Variants in SHISA9 observed in about 807,000 individuals in gnomAD.
The protein encoded by SHISA9 is protein shisa-9.
A neutral mutation model predicts 38.0 loss-of-function variants in SHISA9; 13 were observed. That is an observed-to-expected ratio of 0.34 (90% CI 0.22 to 0.54). The LOEUF (loss-of-function observed/expected upper bound fraction) is 0.54, where lower values mean the gene tolerates loss of function less well. SHISA9 is among the 20% of genes least tolerant of loss of function. The probability of loss-of-function intolerance (pLI) is 0.91; values close to 1 mark genes in which losing one functional copy is unlikely to be tolerated. For missense variants in SHISA9, 538 were observed against 575.8 expected, an observed-to-expected ratio of 0.93 and a Z score of 0.67; for synonymous variants, 275 against 242.0, an observed-to-expected ratio of 1.14 and a Z score of -1.27.
At chr16:13,234,305 A>T (rs1273949642) in intron 4 of SHISA9, among the ~76,000 whole-genome samples, 2 of 152,216 alleles carry the variant, frequency 1.3e-5, no homozygotes, top group Admixed American at 6.5e-5. Context: ...TATAATGACG[A>T]TGATAATGGT....
At chr16:13,454,330 G>T in the SHISA9 span, among the ~76,000 whole-genome samples, 297 of 152,300 alleles carry the variant, frequency 2.0e-3, 1 homozygote, top group African/African-American at 6.7e-3. Flanking sequence ...GCTAAAAGAT[G>T]CAGGCAGAGT....
the SHISA9 span, among the ~76,000 whole-genome samples, chr16:13,328,685 C>T: frequency 6.6e-6 from 1 of 151,892 alleles, no homozygotes; most frequent in Non-Finnish European, 1.5e-5. Flanking sequence ...GTTGGCCAGG[C>T]TGGTCTTGTA....
In SHISA9 at chr16:13,226,784, T is replaced by G. The variant is rs552541835; in HGVS notation, c.896-8246T>G. 1.4e-4 allele frequency among the ~76,000 whole-genome samples: 21 copies of G among 152,312 alleles called. 2 individuals carry two copies. The highest frequency in any genetic ancestry group is 1.0e-3 in the Admixed American group (16 of 15,298). ...ACTGCAGTTAGCAGTTGGTTAGTTGTGTTGAACAGGGGTAACTGGTCTATG... is the reference window on the plus strand; with the variant it reads ...ACTGCAGTTAGCAGTTGGTTAGTTGGGTTGAACAGGGGTAACTGGTCTATG... On this transcript the variant is annotated intron_variant, in intron 4 of 4. Coordinates refer to ENST00000558583, the MANE Select transcript of SHISA9 (RefSeq NM_001145204.3).
chr16:13,312,186 C>A, the SHISA9 span, among the ~76,000 whole-genome samples: 7 of 152,076 alleles, frequency 4.6e-5, no homozygotes, highest in Non-Finnish European at 1.0e-4. Flanking sequence ...TGCACAATGC[C>A]CCAAGTGTGC....
the SHISA9 span, among the ~76,000 whole-genome samples, chr16:13,352,341 T>C: frequency 2.6e-5 from 4 of 152,198 alleles, no homozygotes; most frequent in African/African-American, 9.7e-5. Context: ...TGACATTAAA[T>C]GAAAAGGCAG....
At chr16:13,424,255 G>T in the SHISA9 span, among the ~76,000 whole-genome samples, 1 of 152,192 alleles carries the variant, frequency 6.6e-6, no homozygotes, top group Non-Finnish European at 1.5e-5. Context: ...ACAGTGCTCC[G>T]CATTGAGCTG....
At chr16:13,015,673 C>G (rs967775108) in intron 2 of SHISA9, among the ~76,000 whole-genome samples, 1 of 152,080 alleles carries the variant, frequency 6.6e-6, no homozygotes, top group Non-Finnish European at 1.5e-5. Flanking sequence ...TAGTTGGTAG[C>G]TGAAGGGGAC....
intron 2 of SHISA9, among the ~76,000 whole-genome samples, chr16:13,092,585 G>A (rs1251366997): frequency 2.6e-5 from 4 of 152,242 alleles, no homozygotes; most frequent in East Asian, 1.9e-4. Flanking sequence ...AGACGGCTGC[G>A]CTAGCATTGA....
At chr16:13,346,120 C>T in the SHISA9 span, among the ~76,000 whole-genome samples, 2 of 152,270 alleles carry the variant, frequency 1.3e-5, no homozygotes, top group South Asian at 4.2e-4. Flanking sequence ...CTTCCACTCT[C>T]CTACATTTTC....
the SHISA9 span, among the ~76,000 whole-genome samples, chr16:13,457,773 A>G: frequency 6.6e-6 from 1 of 152,052 alleles, no homozygotes; most frequent in African/African-American, 2.4e-5. Context: ...GAGTGTCCTC[A>G]AACAGGAACT....
In SHISA9 at chr16:12,902,455, A is replaced by G; in HGVS notation, c.391A>G (p.Thr131Ala). Residue 131 changes from threonine (T) to alanine (A), a missense_variant, in exon 1 of 5, where the codon ACC becomes GCC. Transcript: ENST00000558583. ...CTACGACACGCCGCTCTGGCTCAACACCGGCAAGCCCCCCGCCCGCAAGGA... is the reference window on the plus strand; with the variant it reads ...CTACGACACGCCGCTCTGGCTCAACGCCGGCAAGCCCCCCGCCCGCAAGGA... ...TNYDTPLWLN[T>A]GKPPARKDDP... 5.2e-6 allele frequency: 8 copies of G among 1,551,238 alleles called. No individual in the cohort carries two copies. Among genetic ancestry groups the G allele is most frequent in the Non-Finnish European group, 7.0e-6 (8 of 1,146,914 alleles).
At chr16:13,267,518 T>G in the SHISA9 span, among the ~76,000 whole-genome samples, 2 of 152,202 alleles carry the variant, frequency 1.3e-5, no homozygotes, top group Non-Finnish European at 2.9e-5. Context: ...GATCCGTGCT[T>G]CTTAATTCAA....
At position 13,032,621 on chromosome 16, in the gene SHISA9, GAAGTA is replaced by G. The variant is rs535259055; in HGVS notation, c.691+115811_691+115815del. On this transcript the variant is annotated intron_variant, in intron 2 of 4. Transcript: ENST00000558583. Reference sequence around the variant, plus strand: ...ATAGCAGCAGAACTGACTGTGTAATGAAGTAAAGTGCCTTGTACAGTGCCTAGTAC... The same window carrying G: ...ATAGCAGCAGAACTGACTGTGTAATGAAGTGCCTTGTACAGTGCCTAGTAC... Among the ~76,000 whole-genome samples the G allele has an allele frequency of 1.4e-4, 21 of 152,326 alleles. No individual in the cohort carries two copies. The East Asian group carries it at 4.1e-3, about 29-fold the overall frequency.
chr16:12,973,351 C>G (rs934654469), intron 2 of SHISA9, among the ~76,000 whole-genome samples: 5 of 152,172 alleles, frequency 3.3e-5, no homozygotes, highest in African/African-American at 1.2e-4. Flanking sequence ...AATAGAAAGT[C>G]AAGAAACATG....
intron 2 of SHISA9, among the ~76,000 whole-genome samples, chr16:12,964,905 A>G (rs184500813): frequency 7.4e-4 from 113 of 152,354 alleles, no homozygotes; most frequent in African/African-American, 2.5e-3. Context: ...ATAAAAGAGC[A>G]ATATAATTAG....
intron 2 of SHISA9, among the ~76,000 whole-genome samples, chr16:13,086,730 C>A (rs2141942540): frequency 6.6e-6 from 1 of 152,308 alleles, no homozygotes; most frequent in Non-Finnish European, 1.5e-5. Flanking sequence ...CTGAGGAAAA[C>A]AACCACCAAT....
intron 2 of SHISA9, among the ~76,000 whole-genome samples, chr16:13,069,469 ATG>A (rs2073483847): frequency 6.6e-6 from 1 of 151,778 alleles, no homozygotes; most frequent in South Asian, 2.1e-4. Flanking sequence ...ATGCATGTGT[ATG>A]TGTATATGTG....
At chr16:13,246,906 C>A in the SHISA9 span, among the ~76,000 whole-genome samples, 2 of 151,538 alleles carry the variant, frequency 1.3e-5, no homozygotes, top group Admixed American at 1.3e-4. Context: ...ATCATTGTAG[C>A]ACTCTGTTTT....
At chr16:13,484,498 G>A in the SHISA9 span, among the ~76,000 whole-genome samples, 1 of 152,152 alleles carries the variant, frequency 6.6e-6, no homozygotes, top group African/African-American at 2.4e-5. Flanking sequence ...CCAAATCTGA[G>A]TGCCTAGCAT....
Sources: gnomAD v4.1 joint callset for allele counts (sites outside exome capture counted in the v4.1 genomes callset) on GRCh38, gnomAD v4.1.1 for gene constraint, MANE v1.5 for transcripts, NCBI Gene and HGNC (gene_info 2026-07-23, HGNC 2026-07-21) for gene names.